Variants in XYLT1 observed in about 807,000 individuals in gnomAD.
XYLT1 encodes beta-D-xylosyltransferase 1.
XYLT1 carries 36 observed loss-of-function variants against 91.3 expected under a neutral mutation model. The observed-to-expected ratio is 0.39, with a 90% CI of 0.30 to 0.52. The LOEUF is 0.52. XYLT1 is among the 20% of genes least tolerant of loss of function. XYLT1 has a pLI of 0.68. For missense variants in XYLT1, 1,242 were observed against 1,284.5 expected, an observed-to-expected ratio of 0.97 and a Z score of 0.51; for synonymous variants, 588 against 532.0, an observed-to-expected ratio of 1.11 and a Z score of -1.45.
At chr16:17,325,966 C>G (rs1407471435) in intron 2 of XYLT1, among the ~76,000 whole-genome samples, 1 of 152,194 alleles carries the variant, frequency 6.6e-6, no homozygotes, top group Non-Finnish European at 1.5e-5. Context: ...TTGTCTGAAT[C>G]TGCCATCCAT....
intron 2 of XYLT1, among the ~76,000 whole-genome samples, chr16:17,297,999 C>G (rs565108113): frequency 3.6e-4 from 54 of 150,082 alleles, no homozygotes; most frequent in African/African-American, 1.1e-3. Flanking sequence ...CCAGCCTGGG[C>G]GACGAGCGAG....
At chr16:17,120,686 GTCTC>G (rs1273561104) in intron 10 of XYLT1, among the ~76,000 whole-genome samples, 3 of 151,832 alleles carry the variant, frequency 2.0e-5, no homozygotes, top group Non-Finnish European at 2.9e-5. Context: ...TAATTTACAG[GTCTC>G]TCTCTCTCCA....
chr16:17,315,433 G>C (rs988064274), intron 2 of XYLT1, among the ~76,000 whole-genome samples: 2 of 152,162 alleles, frequency 1.3e-5, no homozygotes, highest in Non-Finnish European at 2.9e-5. Context: ...CCTATCACAA[G>C]TAGAGAATTC....
At chr16:17,147,385 TA>T (rs1419020722) in intron 6 of XYLT1, among the ~76,000 whole-genome samples, 2 of 152,212 alleles carry the variant, frequency 1.3e-5, no homozygotes, top group East Asian at 1.9e-4. Context: ...GTGAGAGGAC[TA>T]GCAAAATTTT....
intron 2 of XYLT1, among the ~76,000 whole-genome samples, chr16:17,281,506 T>TA (rs147806671): frequency 0.021 from 3,120 of 152,106 alleles, 121 homozygotes; most frequent in African/African-American, 0.07. Context: ...TTTATGTTGT[T>TA]AAAAAAAATG....
chr16:17,308,859 T>C (rs1174551669), intron 2 of XYLT1, among the ~76,000 whole-genome samples: 1 of 152,122 alleles, frequency 6.6e-6, no homozygotes, highest in Non-Finnish European at 1.5e-5. Flanking sequence ...CTAATTGTCA[T>C]GAGGATTAGA....
chr16:17,241,987 C>T (rs751120016), intron 3 of XYLT1, among the ~76,000 whole-genome samples: 3 of 152,174 alleles, frequency 2.0e-5, no homozygotes, highest in African/African-American at 7.2e-5. Context: ...CCTACATGGC[C>T]GCAGGCAAGA....
At position 17,466,734 on chromosome 16, in the gene XYLT1, C is replaced by T. The variant is rs573432692; in HGVS notation, c.363+3700G>A. Among the ~76,000 whole-genome samples, 33 of 152,188 alleles carry T rather than the reference C, an allele frequency of 2.2e-4. 1 individual carries two copies. Among genetic ancestry groups the T allele is most frequent in the Non-Finnish European group, 3.5e-4 (24 of 68,040 alleles). On this transcript the variant is annotated intron_variant, in intron 1 of 11. Transcript: ENST00000261381. The stretch of plus-strand genomic sequence containing the variant: ...CATATTACAAACATATCTATACCTA[C>T]GTATATTATTTCTACTTTTATTTAT...
intron 3 of XYLT1, among the ~76,000 whole-genome samples, chr16:17,235,309 C>T (rs200420825): frequency 1.4e-4 from 19 of 138,244 alleles, no homozygotes; most frequent in South Asian, 2.3e-4. Flanking sequence ...TCATTATCAT[C>T]TTTTTTTTTT....
Position 17,107,931 on chromosome 16 carries a change from C to G in XYLT1, c.*764G>C, listed in dbSNP as rs79229316. On this transcript the variant is annotated 3_prime_UTR_variant, in exon 12 of 12. Coordinates refer to ENST00000261381, the MANE Select transcript of XYLT1 (RefSeq NM_022166.4). ...GGTGGCAGTTGCACTTGTGGCTGGA[C>G]CTTGGCCATGCCACATCAAAAGGCT... The G allele has an allele frequency of 8.8e-3, 1,349 of 152,782 alleles. 32 individuals carry two copies. The South Asian group carries it at 0.089, about 10-fold the overall frequency. The allele number at this position is 152,782 out of a possible 1,614,324, so 9.5% of individuals were successfully genotyped here.
intron 2 of XYLT1, among the ~76,000 whole-genome samples, chr16:17,353,969 G>A (rs72781544): frequency 0.049 from 7,527 of 152,274 alleles, 243 homozygotes; most frequent in South Asian, 0.11. Context: ...TGTGGAAATC[G>A]GGTATCACAC....
chr16:17,260,623 C>CA (rs1382024718), intron 2 of XYLT1, among the ~76,000 whole-genome samples: 2 of 152,168 alleles, frequency 1.3e-5, no homozygotes, highest in African/African-American at 4.8e-5. Context: ...AGCTGACCCT[C>CA]AGCAAGGCTC....
At chr16:17,280,766 G>A (rs766596164) in intron 2 of XYLT1, among the ~76,000 whole-genome samples, 9 of 152,130 alleles carry the variant, frequency 5.9e-5, no homozygotes, top group Non-Finnish European at 8.8e-5. Flanking sequence ...AAAGGGCACC[G>A]TGCTGTAAAT....
At chr16:17,323,346 G>A (rs912598883) in intron 2 of XYLT1, among the ~76,000 whole-genome samples, 4 of 152,290 alleles carry the variant, frequency 2.6e-5, no homozygotes, top group Admixed American at 6.5e-5. Context: ...AGAACAATGC[G>A]GTTTTTGGCA....
chr16:17,364,087 T>C (rs1414013140), intron 1 of XYLT1, among the ~76,000 whole-genome samples: 1 of 152,008 alleles, frequency 6.6e-6, no homozygotes, highest in African/African-American at 2.4e-5. Flanking sequence ...CATTTTGAGG[T>C]ATTGGGGGAG....
intron 2 of XYLT1, among the ~76,000 whole-genome samples, chr16:17,352,119 ACTCT>A (rs761361924): frequency 1.3e-5 from 2 of 152,038 alleles, no homozygotes; most frequent in Non-Finnish European, 2.9e-5. Context: ...ACAGAGCAAG[ACTCT>A]CTCAAAAAGA....
At chr16:17,195,704 A>C (rs1223332367) in intron 5 of XYLT1, among the ~76,000 whole-genome samples, 2 of 151,962 alleles carry the variant, frequency 1.3e-5, no homozygotes, top group Admixed American at 1.3e-4. Context: ...TTGGCCTCTC[A>C]AAGTGCTGGG....
chr16:17,446,051 G>C (rs568852120), intron 1 of XYLT1: 1 of 152,310 alleles, frequency 6.6e-6, no homozygotes, highest in South Asian at 2.1e-4. Context: ...AGCACCTATA[G>C]ATATGAGAGA....
At chr16:17,152,124 A>T (rs1034846932) in intron 6 of XYLT1, among the ~76,000 whole-genome samples, 3 of 152,222 alleles carry the variant, frequency 2.0e-5, no homozygotes, top group African/African-American at 4.8e-5. Context: ...TTTGGAACAT[A>T]AAAAAATGCA....
Sources: gnomAD v4.1 joint callset for allele counts (sites outside exome capture counted in the v4.1 genomes callset) on GRCh38, gnomAD v4.1.1 for gene constraint, MANE v1.5 for transcripts, NCBI Gene and HGNC (gene_info 2026-07-23, HGNC 2026-07-21) for gene names.